Variants in FBXL17 observed in about 807,000 individuals in gnomAD.
The protein encoded by FBXL17 is F-box/LRR-repeat protein 17.
FBXL17 carries 22 observed loss-of-function variants against 66.2 expected under a neutral mutation model. The observed-to-expected ratio is 0.33, with a 90% CI of 0.24 to 0.47. The LOEUF is 0.47. FBXL17 is among the 20% of genes least tolerant of loss of function. FBXL17 has a pLI of 1.00. For synonymous variants in FBXL17, 474 were observed against 400.5 expected (o/e 1.18, Z -2.19); for missense variants, 878 against 948.2 (o/e 0.93, Z 0.97).
chr5:108,230,142 C>A (rs1217099578), intron 4 of FBXL17, among the ~76,000 whole-genome samples: 2 of 152,116 alleles, frequency 1.3e-5, no homozygotes, highest in Non-Finnish European at 2.9e-5. Context: ...CTAGTAAAAC[C>A]ACTATGGAAA....
At chr5:107,981,315 G>GT (rs1752818625) in intron 7 of FBXL17, among the ~76,000 whole-genome samples, 1 of 152,208 alleles carries the variant, frequency 6.6e-6, no homozygotes, top group African/African-American at 2.4e-5. Context: ...CAGAATTCTG[G>GT]TATCAGCCTA....
chr5:107,915,966 A>G (rs1461514679), intron 7 of FBXL17, among the ~76,000 whole-genome samples: 1 of 152,172 alleles, frequency 6.6e-6, no homozygotes. Context: ...TTTTGCAGAT[A>G]TTTTCTCTCA....
At chr5:107,942,516 G>C (rs936516844) in intron 7 of FBXL17, among the ~76,000 whole-genome samples, 1 of 152,112 alleles carries the variant, frequency 6.6e-6, no homozygotes, top group Non-Finnish European at 1.5e-5. Context: ...AAACCATGAA[G>C]ATTTGCCCAT....
intron 4 of FBXL17, among the ~76,000 whole-genome samples, chr5:108,247,456 A>T (rs967100900): frequency 2.0e-5 from 3 of 152,140 alleles, no homozygotes; most frequent in Non-Finnish European, 2.9e-5. Flanking sequence ...ACATTATTTA[A>T]CCTTCTGTAT....
chr5:108,348,581 T>A (rs1169757637), intron 3 of FBXL17, 51 bp from the exon 4 acceptor site: 1 of 1,563,556 alleles, frequency 6.4e-7, no homozygotes, highest in Non-Finnish European at 8.7e-7. Flanking sequence ...AAAGGCAACA[T>A]ATTTCAAGTG....
chr5:107,908,631 TAGG>T (rs1561526092), intron 7 of FBXL17, among the ~76,000 whole-genome samples: 1 of 152,022 alleles, frequency 6.6e-6, no homozygotes, highest in Non-Finnish European at 1.5e-5. Context: ...TCAGAATACT[TAGG>T]AGAAGTGGGC....
chr5:108,312,144 C>A (rs1759150547), intron 4 of FBXL17, among the ~76,000 whole-genome samples: 1 of 152,076 alleles, frequency 6.6e-6, no homozygotes, highest in Non-Finnish European at 1.5e-5. Flanking sequence ...ATACCACCAG[C>A]ATCACAGCTT....
chr5:107,938,550 A>T (rs1750985933), intron 7 of FBXL17, among the ~76,000 whole-genome samples: 1 of 152,186 alleles, frequency 6.6e-6, no homozygotes, highest in African/African-American at 2.4e-5. Context: ...TTGTATGTAA[A>T]TAGGTGCCTA....
intron 4 of FBXL17, among the ~76,000 whole-genome samples, chr5:108,325,797 G>GA (rs1377660763): frequency 6.6e-6 from 1 of 152,088 alleles, no homozygotes; most frequent in East Asian, 1.9e-4. Flanking sequence ...AGTAGAAACA[G>GA]AAAAGCAAGG....
intron 5 of FBXL17, among the ~76,000 whole-genome samples, chr5:108,191,990 A>G (rs945075750): frequency 2.0e-5 from 3 of 152,232 alleles, no homozygotes; most frequent in Non-Finnish European, 4.4e-5. Flanking sequence ...GACAGTATCC[A>G]AAGGCAGTTC....
chr5:108,087,852 G>T (rs1376747866), intron 6 of FBXL17, among the ~76,000 whole-genome samples: 2 of 152,096 alleles, frequency 1.3e-5, no homozygotes, highest in African/African-American at 4.8e-5. Flanking sequence ...TTAATAAATT[G>T]AAGTAATACA....
chr5:107,890,380 A>G (rs978891401), intron 7 of FBXL17, among the ~76,000 whole-genome samples: 1 of 151,874 alleles, frequency 6.6e-6, no homozygotes, highest in Non-Finnish European at 1.5e-5. Flanking sequence ...AACTGTCTGA[A>G]GCTGGGCATG....
At chr5:107,902,956 A>C (rs545380010) in intron 7 of FBXL17, among the ~76,000 whole-genome samples, 6 of 152,188 alleles carry the variant, frequency 3.9e-5, no homozygotes, top group Non-Finnish European at 7.3e-5. Context: ...CTGAATAAAA[A>C]GTGAAGAGAA....
chr5:108,016,648 T>C (rs1754397250), intron 7 of FBXL17, among the ~76,000 whole-genome samples: 1 of 152,184 alleles, frequency 6.6e-6, no homozygotes, highest in Admixed American at 6.5e-5. Flanking sequence ...TGAAGTGCTG[T>C]GCGGCCCAAG....
At chr5:107,963,058 G>C (rs1751980809) in intron 7 of FBXL17, among the ~76,000 whole-genome samples, 1 of 152,134 alleles carries the variant, frequency 6.6e-6, no homozygotes, top group Non-Finnish European at 1.5e-5. Flanking sequence ...ATTTGGAGGT[G>C]CTAATCTCAT....
At chr5:108,064,265 A>G (rs1191161921) in intron 6 of FBXL17, among the ~76,000 whole-genome samples, 1 of 152,194 alleles carries the variant, frequency 6.6e-6, no homozygotes, top group South Asian at 2.1e-4. Context: ...TTCTGAGTCC[A>G]TCAAGTTTCA....
intron 8 of FBXL17, among the ~76,000 whole-genome samples, chr5:107,872,190 G>C (rs1489875779): frequency 6.6e-6 from 1 of 152,196 alleles, no homozygotes; most frequent in East Asian, 1.9e-4. Context: ...AAGATGAACT[G>C]TACATAAATC....
chr5:108,120,605 AG>A (rs1295170585), intron 6 of FBXL17, among the ~76,000 whole-genome samples: 1 of 152,104 alleles, frequency 6.6e-6, no homozygotes, highest in Non-Finnish European at 1.5e-5. Flanking sequence ...TGGAGGCAGG[AG>A]GATCACTTGA....
chr5:108,274,741 A>T (rs1757416552), intron 4 of FBXL17, among the ~76,000 whole-genome samples: 1 of 152,208 alleles, frequency 6.6e-6, no homozygotes, highest in East Asian at 1.9e-4. Flanking sequence ...TTGGGGAACT[A>T]ATAAATGTCC....
Sources: gnomAD v4.1 joint callset for allele counts (sites outside exome capture counted in the v4.1 genomes callset) on GRCh38, gnomAD v4.1.1 for gene constraint, MANE v1.5 for transcripts, NCBI Gene and HGNC (gene_info 2026-07-23, HGNC 2026-07-21) for gene names.